The following CLGN variants were observed in gnomAD, a reference collection of about 807,000 sequenced individuals.
CLGN encodes testis tissue sperm-binding protein Li 79P.
CLGN carries 62 observed loss-of-function variants against 79.1 expected under a neutral mutation model. That is an observed-to-expected ratio of 0.78 (90% confidence interval 0.64 to 0.97). CLGN has a LOEUF of 0.97. Ranked by LOEUF, CLGN falls within the 50% of genes least tolerant of loss-of-function variation. The probability of loss-of-function intolerance (pLI) is 0.00; values close to 1 mark genes in which losing one functional copy is unlikely to be tolerated. For missense variants in CLGN, 647 were observed against 715.5 expected, an observed-to-expected ratio of 0.90 and a Z score of 1.09; for synonymous variants, 225 against 224.7, an observed-to-expected ratio of 1.00 and a Z score of -0.01.
chr4:140,401,958 G>C (rs540755624), intron 6 of CLGN, 27 bp downstream of exon 6: 3 of 1,241,080 alleles, frequency 2.4e-6, no homozygotes, highest in Admixed American at 2.3e-5. Flanking sequence ...CTTTAATAAG[G>C]TTTTCTTAAA....
chr4:140,404,279 G>C (rs887740911), intron 5 of CLGN, among the ~76,000 whole-genome samples: 8 of 151,928 alleles, frequency 5.3e-5, no homozygotes, highest in Non-Finnish European at 1.2e-4. Flanking sequence ...ATTTTTAGTA[G>C]AGACAGGGTT....
chr4:140,413,604 C>G (rs1729259290), intron 1 of CLGN, among the ~76,000 whole-genome samples: 1 of 152,140 alleles, frequency 6.6e-6, no homozygotes, highest in East Asian at 1.9e-4. Flanking sequence ...CGGACGGCAC[C>G]TGGAAAATCG....
chr4:140,392,795 C>T, intron 11 of CLGN, 84 bp from the exon 12 acceptor site: 2 of 1,316,604 alleles, frequency 1.5e-6, no homozygotes, highest in Non-Finnish European at 2.0e-6. Context: ...AACTTATTTA[C>T]TCAGGCATTT....
chr4:140,426,822 G>C (rs1454974653), intron 1 of CLGN: 1 of 152,216 alleles, frequency 6.6e-6, no homozygotes, highest in African/African-American at 2.4e-5. Context: ...TCTGATTGAT[G>C]GTAAACAGGC....
Position 140,395,848 on chromosome 4 carries a change from G to A in CLGN, c.1120C>T (p.Pro374Ser). The A allele has an allele frequency of 6.5e-7, 1 of 1,543,412 alleles. No homozygotes were observed. The highest frequency in any genetic ancestry group is 8.7e-7 in the Non-Finnish European group (1 of 1,152,634). ...TAGTTAGGATTATCGACCAGTGGAGGTCTCCATACTCCTTTGTATTTTGGG... is the reference window on the plus strand; with the variant it reads ...TAGTTAGGATTATCGACCAGTGGAGATCTCCATACTCCTTTGTATTTTGGG... ...DNPKYKGVWR[P>S]PLVDNPNYQG... The change falls in exon 10 of 15, where the codon CCT becomes TCT. Residue 374 changes from proline to serine, a missense_variant. By Grantham distance (74) the Pro-to-Ser change is moderately conservative. Transcript: ENST00000325617.
At chr4:140,425,774 G>A (rs1000652122) in intron 1 of CLGN, among the ~76,000 whole-genome samples, 5 of 151,406 alleles carry the variant, frequency 3.3e-5, no homozygotes, top group Admixed American at 2.0e-4. Context: ...GATTATAGGC[G>A]CGCGCCACTA....
chr4:140,401,849 G>C (rs956837984), intron 6 of CLGN, 136 bp downstream of exon 6: 2 of 554,092 alleles, frequency 3.6e-6, no homozygotes, highest in Non-Finnish European at 6.2e-6. Context: ...TAAGAGCTAT[G>C]TAAATTCACA....
chr4:140,420,809 T>A (rs144057912), intron 1 of CLGN, among the ~76,000 whole-genome samples: 1 of 152,156 alleles, frequency 6.6e-6, no homozygotes, highest in Admixed American at 6.5e-5. Context: ...GATGCTGGGG[T>A]AATACTACAA....
At position 140,406,064 on chromosome 4, in the gene CLGN, C is replaced by A; in HGVS notation, c.297G>T (p.Glu99Asp). ...SIYDGRWEIEELKENQVPGDR... is the reference protein window; with the variant it reads ...SIYDGRWEIEDLKENQVPGDR... Reference sequence around the variant, plus strand: ...CACCAGGTACCTGGTTTTCTTTCAACTCTTCAATTTCCCATCTTCCTAAAA... The same window carrying A: ...CACCAGGTACCTGGTTTTCTTTCAAATCTTCAATTTCCCATCTTCCTAAAA... Residue 99 changes from glutamate (E) to aspartate (D), a missense_variant, in exon 5 of 15, where the codon GAG becomes GAT. By Grantham distance (45) the Glu-to-Asp change is conservative. Coordinates refer to ENST00000325617, the MANE Select transcript of CLGN (RefSeq NM_004362.3). 1 of 1,612,050 alleles carries A rather than the reference C, an allele frequency of 6.2e-7. No homozygotes were observed. Among genetic ancestry groups the A allele is most frequent in the Middle Eastern group, 1.7e-4 (1 of 6,026 alleles).
At chr4:140,420,508 A>G (rs1218855739) in intron 1 of CLGN, among the ~76,000 whole-genome samples, 1 of 152,000 alleles carries the variant, frequency 6.6e-6, no homozygotes, top group Admixed American at 6.6e-5. Context: ...GTTAGAAGGC[A>G]TTCTGTAGAC....
intron 5 of CLGN, among the ~76,000 whole-genome samples, chr4:140,403,464 A>G (rs1258018880): frequency 6.6e-6 from 1 of 152,176 alleles, no homozygotes; most frequent in Non-Finnish European, 1.5e-5. Flanking sequence ...TCTTATCTTT[A>G]TTTTAAGCAA....
At position 140,388,597 on chromosome 4, in the gene CLGN, A is replaced by G. The variant is rs891612266; in HGVS notation, c.*627T>C. 2.0e-5 allele frequency: 3 copies of G among 151,976 alleles called. No homozygotes were observed. The East Asian group carries it at 5.8e-4, about 29-fold the overall frequency. 9.4% of individuals were successfully genotyped at this position (151,976 alleles called of 1,614,324 possible). On this transcript the variant is annotated 3_prime_UTR_variant, in exon 15 of 15. Transcript: ENST00000325617. ...ACATCATTTTGTTTTGATAAAACCC[A>G]TTATCCTTGTATTCAAATGTAAAAT... is the stretch of plus-strand genomic sequence containing the variant.
chr4:140,389,475 C>T (rs1014494308), intron 14 of CLGN, among the ~76,000 whole-genome samples, 171 bp from the exon 15 acceptor site: 4 of 151,638 alleles, frequency 2.6e-5, no homozygotes, highest in African/African-American at 4.8e-5. Flanking sequence ...ATACAAAAAT[C>T]GATGTATTCC....
chr4:140,409,516 T>G (rs1052542177), intron 4 of CLGN, among the ~76,000 whole-genome samples: 1 of 152,046 alleles, frequency 6.6e-6, no homozygotes, highest in Non-Finnish European at 1.5e-5. Flanking sequence ...GATCAAGGTG[T>G]GTCTATGCTT....
At position 140,405,993 on chromosome 4, in the gene CLGN, G is replaced by T. The variant is rs1159480574; in HGVS notation, c.368C>A (p.Ser123Tyr). 2 of 1,613,464 alleles carry T rather than the reference G, an allele frequency of 1.2e-6. No homozygotes were observed. The highest frequency in any genetic ancestry group is 2.7e-5 in the African/African-American group (2 of 75,026). ...AATGAATGGTTTTGCTAATACAGCA[G>T]ATATTGCATGATGCTTTGCTCTAGA... ...LKSRAKHHAI[S>Y]AVLAKPFIFA... The change falls in exon 5 of 15, where the codon TCT becomes TAT. Residue 123 changes from serine (S) to tyrosine (Y), a missense_variant. Physicochemically the swap from Ser to Tyr is moderately radical, Grantham distance 144. Coordinates refer to ENST00000325617, the MANE Select transcript of CLGN (RefSeq NM_004362.3).
intron 4 of CLGN, among the ~76,000 whole-genome samples, chr4:140,408,083 A>G (rs1261949820): frequency 1.3e-5 from 2 of 152,130 alleles, no homozygotes; most frequent in Non-Finnish European, 2.9e-5. Context: ...TAGGGAAAGG[A>G]CACCCTATTT....
At chr4:140,401,809 C>T (rs1729005044) in intron 6 of CLGN, among the ~76,000 whole-genome samples, 176 bp downstream of exon 6, 1 of 152,038 alleles carries the variant, frequency 6.6e-6, no homozygotes, top group South Asian at 2.1e-4. Context: ...TCAAGTAACA[C>T]AGCTTTATAT....
At chr4:140,396,047 G>A (rs1728867383) in intron 9 of CLGN, 45 bp downstream of exon 9, 1 of 1,608,836 alleles carries the variant, frequency 6.2e-7, no homozygotes. Context: ...AAAAATGCAT[G>A]TAAGAAACAT....
chr4:140,396,650 G>A (rs955151420), intron 8 of CLGN, among the ~76,000 whole-genome samples: 6 of 151,436 alleles, frequency 4.0e-5, no homozygotes, highest in African/African-American at 7.3e-5. Context: ...TCTGCCTTCC[G>A]GGTTCAAGCA....
Sources: allele counts gnomAD v4.1 joint callset (sites outside exome capture counted in the v4.1 genomes callset), GRCh38; gene constraint gnomAD v4.1.1; transcripts MANE v1.5; gene names NCBI Gene and HGNC (gene_info 2026-07-23, HGNC 2026-07-21).